Variants in SHISA9 observed in about 807,000 individuals in gnomAD.
SHISA9 encodes protein shisa-9.
Under a neutral mutation model 38.0 loss-of-function variants are expected in SHISA9, and 13 were observed. That is an observed-to-expected ratio of 0.34 (90% confidence interval 0.22 to 0.54). The LOEUF is 0.54. Among genes scored for constraint, SHISA9 ranks in the 20% least tolerant of loss-of-function variants. SHISA9 has a pLI of 0.91. For synonymous variants in SHISA9, 275 were observed against 242.0 expected, an observed-to-expected ratio of 1.14 and a Z score of -1.27; for missense variants, 538 against 575.8, an observed-to-expected ratio of 0.93 and a Z score of 0.67.
chr16:13,217,482 A>T (rs1386669579), intron 4 of SHISA9, among the ~76,000 whole-genome samples: 1 of 152,126 alleles, frequency 6.6e-6, no homozygotes. Flanking sequence ...CTGCAGTGTA[A>T]TCTCTCTGCT....
the SHISA9 span, among the ~76,000 whole-genome samples, chr16:13,451,159 G>A: frequency 6.6e-6 from 1 of 152,208 alleles, no homozygotes; most frequent in Non-Finnish European, 1.5e-5. Flanking sequence ...ACTTCTCAGT[G>A]GTGGTACGTC....
the SHISA9 span, among the ~76,000 whole-genome samples, chr16:13,390,443 GTCT>G: frequency 6.6e-6 from 1 of 152,230 alleles, no homozygotes; most frequent in Admixed American, 6.5e-5. Flanking sequence ...GTGGCTGGCT[GTCT>G]TTGTCCCTCT....
chr16:13,015,894 CTTTCTTTCTT>C (rs774164045), intron 2 of SHISA9, among the ~76,000 whole-genome samples: 3,801 of 126,226 alleles, frequency 0.03, 86 homozygotes, highest in Non-Finnish European at 0.046. Flanking sequence ...TTCTTTCTTT[CTTTCTTTCTT>C]TCTTTTCTTT....
chr16:13,468,745 G>T, the SHISA9 span, among the ~76,000 whole-genome samples: 1 of 152,078 alleles, frequency 6.6e-6, no homozygotes, highest in Admixed American at 6.5e-5. Context: ...GGGAGGCTGA[G>T]ATGGGAGGAT....
intron 2 of SHISA9, among the ~76,000 whole-genome samples, chr16:13,100,708 CTATT>C (rs893411073): frequency 6.6e-6 from 1 of 152,026 alleles, no homozygotes; most frequent in African/African-American, 2.4e-5. Flanking sequence ...ACGAGTTTGG[CTATT>C]TATTTATTTA....
At chr16:13,475,644 G>A in the SHISA9 span, among the ~76,000 whole-genome samples, 1 of 152,086 alleles carries the variant, frequency 6.6e-6, no homozygotes, top group Non-Finnish European at 1.5e-5. Flanking sequence ...GATGGTTTGG[G>A]ATGATTCAAG....
the SHISA9 span, among the ~76,000 whole-genome samples, chr16:13,416,753 A>AG: frequency 5.9e-5 from 8 of 134,748 alleles, no homozygotes; most frequent in Admixed American, 5.4e-4. Flanking sequence ...AAAGGAAGGA[A>AG]GGAAGGAAGG....
intron 2 of SHISA9, among the ~76,000 whole-genome samples, chr16:13,147,461 CTT>C (rs55972023): frequency 0.076 from 4,960 of 65,094 alleles, 95 homozygotes; most frequent in East Asian, 0.19. Flanking sequence ...GTAAACTGAG[CTT>C]TTTTTTTTTT....
intron 2 of SHISA9, among the ~76,000 whole-genome samples, chr16:12,975,867 T>C (rs553662481): frequency 6.7e-6 from 1 of 149,652 alleles, no homozygotes; most frequent in African/African-American, 2.5e-5. Context: ...CTTCATTTAT[T>C]TGAACAGCAA....
chr16:13,366,038 C>G, the SHISA9 span, among the ~76,000 whole-genome samples: 2 of 152,318 alleles, frequency 1.3e-5, no homozygotes, highest in East Asian at 3.9e-4. Context: ...CACAGAGCCC[C>G]TACTTAGTCG....
At chr16:13,001,285 C>T (rs72782693) in intron 2 of SHISA9, among the ~76,000 whole-genome samples, 5 of 152,040 alleles carry the variant, frequency 3.3e-5, no homozygotes, top group Non-Finnish European at 7.4e-5. Flanking sequence ...GACTCCAGAT[C>T]GCCACAATAA....
chr16:13,000,155 A>G (rs2072505953), intron 2 of SHISA9, among the ~76,000 whole-genome samples: 1 of 151,694 alleles, frequency 6.6e-6, no homozygotes, highest in African/African-American at 2.4e-5. Flanking sequence ...TTGGAGTCAG[A>G]CGTCCCTGAA....
the SHISA9 span, among the ~76,000 whole-genome samples, chr16:13,407,950 T>A: frequency 6.6e-5 from 10 of 152,284 alleles, no homozygotes; most frequent in Non-Finnish European, 1.3e-4. Context: ...GTCTTACAGA[T>A]CTAGAGATAG....
intron 4 of SHISA9, among the ~76,000 whole-genome samples, chr16:13,217,474 G>T (rs1453939946): frequency 6.6e-6 from 1 of 152,132 alleles, no homozygotes; most frequent in Non-Finnish European, 1.5e-5. Flanking sequence ...AGCATAGACT[G>T]CAGTGTAATC....
the SHISA9 span, among the ~76,000 whole-genome samples, chr16:13,412,541 C>T: frequency 6.6e-6 from 1 of 152,010 alleles, no homozygotes; most frequent in East Asian, 1.9e-4. Context: ...TCTTGTGGTT[C>T]CTGACTTCGG....
At chr16:13,086,369 AAAAAAAG>A (rs1232130120) in intron 2 of SHISA9, among the ~76,000 whole-genome samples, 14 of 151,512 alleles carry the variant, frequency 9.2e-5, no homozygotes, top group Admixed American at 7.9e-4. Flanking sequence ...AAAAAAAAAA[AAAAAAAG>A]AAGAAGAATA....
chr16:13,189,672 A>C (rs1213567074), intron 2 of SHISA9, among the ~76,000 whole-genome samples: 1 of 152,252 alleles, frequency 6.6e-6, no homozygotes, highest in African/African-American at 2.4e-5. Context: ...GTTTAAGCTG[A>C]GACCTGAAAG....
At chr16:13,027,198 C>T (rs956102437) in intron 2 of SHISA9, among the ~76,000 whole-genome samples, 14 of 152,154 alleles carry the variant, frequency 9.2e-5, no homozygotes, top group African/African-American at 3.1e-4. Context: ...GAAATTCTGT[C>T]CAACATTTTT....
chr16:13,131,823 G>C (rs2050308949), intron 2 of SHISA9, among the ~76,000 whole-genome samples: 1 of 152,104 alleles, frequency 6.6e-6, no homozygotes, highest in Non-Finnish European at 1.5e-5. Flanking sequence ...TTCTGGTCCT[G>C]AATCCATGTT....
Sources: gnomAD v4.1 joint callset for allele counts (sites outside exome capture counted in the v4.1 genomes callset) on GRCh38, gnomAD v4.1.1 for gene constraint, MANE v1.5 for transcripts, NCBI Gene and HGNC (gene_info 2026-07-23, HGNC 2026-07-21) for gene names.